Variants in CUL2 observed in about 807,000 individuals in gnomAD.
The protein encoded by CUL2 is cullin 2.
A neutral mutation model predicts 110.2 loss-of-function variants in CUL2; 22 were observed. The ratio of observed to expected loss-of-function variants is 0.20; its 90% confidence interval spans 0.14 to 0.28. The LOEUF is 0.28. Among genes scored for constraint, CUL2 ranks in the 10% least tolerant of loss-of-function variants. The pLI, the probability that CUL2 is intolerant of heterozygous loss-of-function variation, is 1.00. For synonymous variants in CUL2, 279 were observed against 293.2 expected, an observed-to-expected ratio of 0.95 and a Z score of 0.49; for missense variants, 631 against 905.5, an observed-to-expected ratio of 0.70 and a Z score of 3.89.
chr10:35,023,555 A>C (rs2085255053), intron 17 of CUL2, among the ~76,000 whole-genome samples: 1 of 152,126 alleles, frequency 6.6e-6, no homozygotes, highest in Non-Finnish European at 1.5e-5. Flanking sequence ...ATGGCTAAAA[A>C]ACTATGTGCA....
In CUL2 at chr10:35,025,217, AAC is replaced by A. The variant is rs772148074; in HGVS notation, c.1618-21_1618-20del. 8.4e-5 allele frequency: 129 copies of A among 1,536,610 alleles called. No homozygotes were observed. Among genetic ancestry groups the A allele is most frequent in the South Asian group, 3.0e-4 (24 of 79,360 alleles). On this transcript the variant is annotated intron_variant, in intron 16 of 20. Transcript: ENST00000374749. The stretch of plus-strand genomic sequence containing the variant: ...ATTCAAACTGTAAAAAAAAAAAAAA[AAC>A]ACACATTATTTTTAGCTACTATAAC...
intron 17 of CUL2, among the ~76,000 whole-genome samples, chr10:35,017,886 A>G (rs1469854268): frequency 1.3e-5 from 2 of 151,792 alleles, no homozygotes; most frequent in South Asian, 4.1e-4. Flanking sequence ...AAAAAAAAAA[A>G]AAAAGAAAAG....
intron 18 of CUL2, among the ~76,000 whole-genome samples, chr10:35,015,293 C>CA (rs201140168): frequency 0.026 from 2,106 of 80,710 alleles, 17 homozygotes; most frequent in African/African-American, 0.034. Context: ...AACTCCGTCT[C>CA]AAAAAAAAAA....
chr10:35,099,761 A>C (rs1169722471), intron 2 of CUL2, among the ~76,000 whole-genome samples: 2 of 152,196 alleles, frequency 1.3e-5, no homozygotes, highest in Admixed American at 1.3e-4. Flanking sequence ...AAAATAAAAA[A>C]ATAAAATAGC....
upstream of CUL2, among the ~76,000 whole-genome samples, chr10:35,091,003 C>A (rs1313280409): frequency 6.6e-6 from 1 of 152,166 alleles, no homozygotes; most frequent in East Asian, 1.9e-4. Flanking sequence ...TAGTTTTTAT[C>A]TACAGAGAAT....
At chr10:35,096,377 G>A (rs1170271700) in intron 2 of CUL2, among the ~76,000 whole-genome samples, 1 of 152,184 alleles carries the variant, frequency 6.6e-6, no homozygotes, top group Admixed American at 6.5e-5. Flanking sequence ...GATGGGGATA[G>A]AAGGGTTACT....
At chr10:35,093,355 A>C (rs555402713), upstream of CUL2, among the ~76,000 whole-genome samples, 10 of 152,198 alleles carry the variant, frequency 6.6e-5, no homozygotes, top group African/African-American at 2.4e-4. Context: ...ATTACAATGG[A>C]AGGCCATTTT....
chr10:35,085,866 G>A (rs1442925007), intron 1 of CUL2, among the ~76,000 whole-genome samples: 9 of 152,118 alleles, frequency 5.9e-5, no homozygotes, highest in Admixed American at 5.9e-4. Flanking sequence ...TACAGCGAGG[G>A]AGGAAGGGCA....
intron 4 of CUL2, among the ~76,000 whole-genome samples, chr10:35,057,931 TAAAA>T (rs1018564402): frequency 6.7e-6 from 1 of 148,242 alleles, no homozygotes; most frequent in Non-Finnish European, 1.5e-5. Context: ...CCATCTCTAC[TAAAA>T]AAAAATACAA....
chr10:35,072,996 G>A (rs1228316455), intron 1 of CUL2, among the ~76,000 whole-genome samples: 1 of 152,116 alleles, frequency 6.6e-6, no homozygotes, highest in African/African-American at 2.4e-5. Flanking sequence ...CAAAGGGAGC[G>A]GGTAGGATGG....
chr10:35,063,947 A>G (rs1050215504), intron 2 of CUL2: 2 of 152,150 alleles, frequency 1.3e-5, no homozygotes, highest in Non-Finnish European at 2.9e-5. Context: ...CTACTGTGAC[A>G]AGGCATTTTG....
chr10:35,106,729 GA>G (rs2087462140), intron 1 of CUL2, among the ~76,000 whole-genome samples: 1 of 152,194 alleles, frequency 6.6e-6, no homozygotes, highest in Admixed American at 6.5e-5. Flanking sequence ...ACTCCTGTTA[GA>G]AAAAGGATAA....
chr10:35,075,570 C>T (rs1381739677), intron 1 of CUL2, among the ~76,000 whole-genome samples: 1 of 151,572 alleles, frequency 6.6e-6, no homozygotes, highest in Admixed American at 6.6e-5. Flanking sequence ...TTGTGAGTTC[C>T]ACTCTTGCAA....
At chr10:35,087,140 CT>C in intron 1 of CUL2, among the ~76,000 whole-genome samples, 2 of 152,342 alleles carry the variant, frequency 1.3e-5, no homozygotes, top group South Asian at 4.1e-4. Context: ...TCACAGATCA[CT>C]GCCACTTCCA....
At chr10:35,054,027 G>T (rs2086180549) in intron 5 of CUL2, among the ~76,000 whole-genome samples, 1 of 152,052 alleles carries the variant, frequency 6.6e-6, no homozygotes, top group Non-Finnish European at 1.5e-5. Flanking sequence ...CCATTTAATT[G>T]TTTCACTCTG....
At chr10:35,066,500 A>G (rs978225910) in intron 2 of CUL2, among the ~76,000 whole-genome samples, 9 of 152,134 alleles carry the variant, frequency 5.9e-5, no homozygotes, top group African/African-American at 1.9e-4. Context: ...GGGTTTAACC[A>G]TGTTGGCCAG....
intron 1 of CUL2, among the ~76,000 whole-genome samples, chr10:35,126,177 T>C (rs1311226765): frequency 6.6e-6 from 1 of 151,444 alleles, no homozygotes; most frequent in Non-Finnish European, 1.5e-5. Flanking sequence ...TAGGCTGGTC[T>C]CCTGGGCTCA....
chr10:35,044,500 C>T (rs554984456), intron 8 of CUL2, 66 bp downstream of exon 8: 2 of 948,904 alleles, frequency 2.1e-6, no homozygotes, highest in African/African-American at 1.7e-5. Flanking sequence ...AAACTAAGAA[C>T]GATGTTAAAT....
intron 1 of CUL2, among the ~76,000 whole-genome samples, chr10:35,077,467 A>C (rs977723199): frequency 1.3e-5 from 2 of 151,976 alleles, no homozygotes; most frequent in Admixed American, 6.6e-5. Context: ...ACTGCACTCC[A>C]CTCTGGACAA....
Sources: allele counts gnomAD v4.1 joint callset (sites outside exome capture counted in the v4.1 genomes callset), GRCh38; gene constraint gnomAD v4.1.1; transcripts MANE v1.5; gene names NCBI Gene and HGNC (gene_info 2026-07-23, HGNC 2026-07-21).